LACTB2: variants seen among roughly 807,000 people sequenced by gnomAD.
LACTB2 encodes endoribonuclease LACTB2.
LACTB2 carries 32 observed loss-of-function variants against 34.8 expected under a neutral mutation model. The ratio of observed to expected loss-of-function variants is 0.92; its 90% CI spans 0.69 to 1.24. The LOEUF is 1.24. Among genes scored for constraint, LACTB2 ranks in the 50% most tolerant of loss-of-function variants. The pLI, the probability that LACTB2 is intolerant of heterozygous loss-of-function variation, is 0.00. For missense variants in LACTB2, 320 were observed against 345.0 expected (o/e 0.93, Z 0.57); for synonymous variants, 120 against 117.5 (o/e 1.02, Z -0.14).
intron 3 of LACTB2, among the ~76,000 whole-genome samples, chr8:70,648,292 T>C (rs1251724713): frequency 6.6e-6 from 1 of 152,186 alleles, no homozygotes; most frequent in Non-Finnish European, 1.5e-5. Context: ...GAAAGTTATG[T>C]TGAAGACAGC....
chr8:70,669,064 C>G lies in LACTB2; in HGVS notation c.57G>C (p.Leu19Phe). Reference protein sequence around the residue: ...ERLSNRVVRVLGCNPGPMTLQ... With the variant: ...ERLSNRVVRVFGCNPGPMTLQ... ...GGGTCATGGGACCCGGGTTACAGCC[C>G]AACACACGCACGACTCGATTGGACA... Residue 19 changes from leucine (L) to phenylalanine (F), a missense_variant, in exon 1 of 7, where the codon TTG becomes TTC. By Grantham distance (22) the Leu-to-Phe change is conservative (BLOSUM62 0). Coordinates refer to ENST00000276590, the MANE Select transcript of LACTB2 (RefSeq NM_016027.3). 1 of 1,612,790 alleles carries G rather than the reference C, an allele frequency of 6.2e-7. No individual in the cohort carries two copies. Among genetic ancestry groups the G allele is most frequent in the Non-Finnish European group, 8.5e-7 (1 of 1,179,630 alleles).
intron 2 of LACTB2, among the ~76,000 whole-genome samples, chr8:70,659,580 A>G (rs1334326653): frequency 6.6e-6 from 1 of 152,224 alleles, no homozygotes; most frequent in African/African-American, 2.4e-5. Flanking sequence ...GGGAATTGAC[A>G]TTATATAACA....
chr8:70,668,748 G>GTTTTTTTTTTTTTTTGTTTTT (rs1818573316), intron 1 of LACTB2, among the ~76,000 whole-genome samples: 2 of 103,732 alleles, frequency 1.9e-5, no homozygotes, highest in African/African-American at 4.2e-5. Flanking sequence ...CAAAACAGAA[G>GTTTTTTTTTTTTTTTGTTTTT]TTTTTTTTTT....
chr8:70,637,842 G>A lies in LACTB2; in HGVS notation c.*18C>T. ...TTCTCTGAAAGCAAAATAAAACAAA[G>A]CTTTCTTTAATCTGAAACTAAAGAT... On this transcript the variant is annotated 3_prime_UTR_variant, in exon 7 of 7. Transcript: ENST00000276590. The A allele has an allele frequency of 6.6e-7, 1 of 1,506,996 alleles. No homozygotes were observed. Among genetic ancestry groups the A allele is most frequent in the Non-Finnish European group, 9.0e-7 (1 of 1,112,638 alleles). 93.4% of individuals were successfully genotyped at this position (1,506,996 alleles called of 1,614,324 possible).
intron 3 of LACTB2, among the ~76,000 whole-genome samples, chr8:70,645,734 A>C (rs1818256329): frequency 1.4e-5 from 2 of 145,052 alleles, no homozygotes; most frequent in African/African-American, 5.2e-5. Context: ...TATGAGTGAG[A>C]ACATGTGGTG....
intron 1 of LACTB2, 69 bp downstream of exon 1, chr8:70,668,930 C>G: frequency 6.5e-7 from 1 of 1,541,952 alleles, no homozygotes; most frequent in Non-Finnish European, 8.8e-7. Context: ...CCCGCGCAGC[C>G]GCGATCAGTC....
chr8:70,661,934 C>G (rs1818485297), intron 1 of LACTB2, 37 bp from the exon 2 acceptor site: 1 of 1,538,146 alleles, frequency 6.5e-7, no homozygotes. Flanking sequence ...ACAATTGGAA[C>G]ACTGCGTTGA....
At chr8:70,655,870 T>C (rs1818406424) in intron 3 of LACTB2, among the ~76,000 whole-genome samples, 1 of 152,228 alleles carries the variant, frequency 6.6e-6, no homozygotes, top group Non-Finnish European at 1.5e-5. Context: ...TTACTGTTTT[T>C]TGATTTTTTG....
At chr8:70,657,729 T>C in intron 3 of LACTB2, 27 bp downstream of exon 3, 1 of 1,593,296 alleles carries the variant, frequency 6.3e-7, no homozygotes, top group Non-Finnish European at 8.5e-7. Flanking sequence ...ACTCTTCACC[T>C]TCCCTGGCTA....
In LACTB2 at chr8:70,657,827, T is replaced by A. The variant is rs751907326; in HGVS notation, c.342A>T (p.Ile114=). ...LPRNPQREEI[I]GNGEQQYVYL... is the part of the protein sequence containing the mutation. ...AAACATATTGTTGCTCTCCATTTCC[T>A]ATAATTTCTTCTCTCTGAGGATTCC... is the stretch of plus-strand genomic sequence containing the variant. The change falls in exon 3 of 7, where the codon ATA becomes ATT. Residue 114 remains isoleucine (I), a synonymous_variant. Transcript: ENST00000276590. 3.1e-6 allele frequency: 5 copies of A among 1,611,406 alleles called. No homozygotes were observed. Among genetic ancestry groups the A allele is most frequent in the Non-Finnish European group, 4.2e-6 (5 of 1,177,650 alleles).
At chr8:70,650,526 T>A (rs1490550348) in intron 3 of LACTB2, among the ~76,000 whole-genome samples, 1 of 152,092 alleles carries the variant, frequency 6.6e-6, no homozygotes, top group African/African-American at 2.4e-5. Flanking sequence ...GGTCAGGAGT[T>A]CGAGATCAGC....
chr8:70,657,136 T>G (rs2132077681), intron 3 of LACTB2, among the ~76,000 whole-genome samples: 1 of 152,282 alleles, frequency 6.6e-6, no homozygotes, highest in Middle Eastern at 3.4e-3. Context: ...AATTTAGGTA[T>G]GGGTCATCTT....
chr8:70,660,871 T>C (rs1818473644), intron 2 of LACTB2: 1 of 456,146 alleles, frequency 2.2e-6, no homozygotes, highest in Non-Finnish European at 4.4e-6. Context: ...TCAGCTTCCC[T>C]GGCTCAAGCC....
intron 1 of LACTB2, among the ~76,000 whole-genome samples, chr8:70,666,572 C>A (rs1223064093): frequency 6.6e-6 from 1 of 152,122 alleles, no homozygotes; most frequent in Non-Finnish European, 1.5e-5. Context: ...ATACACAAGG[C>A]CTTCCAGTTT....
intron 3 of LACTB2, 98 bp from the exon 4 acceptor site, chr8:70,644,341 CAAAT>C (rs1307685993): frequency 1.3e-6 from 1 of 781,214 alleles, no homozygotes; most frequent in Non-Finnish European, 1.9e-6. Context: ...TCTTTAGACA[CAAAT>C]AAACAGATGA....
intron 2 of LACTB2, chr8:70,661,297 G>T: frequency 3.5e-6 from 1 of 287,552 alleles, no homozygotes; most frequent in Non-Finnish European, 6.9e-6. Flanking sequence ...TAGGTTTCAG[G>T]GACAATGAAT....
Position 70,657,780 on chromosome 8 carries a change from A to C in LACTB2, c.389T>G (p.Ile130Ser). ...CCTTAGAGTGGCTCCCTCAGTCTTA[A>C]TCACATCTCCATCTTTCAGATAAAC... ...QYVYLKDGDV[I>S]KTEGATLRVL... Residue 130 changes from isoleucine to serine, a missense_variant, in exon 3 of 7, where the codon ATT (isoleucine) becomes AGT (serine). Ile to Ser is a moderately radical substitution (Grantham distance 142). Transcript: ENST00000276590. The C allele has an allele frequency of 6.2e-7, 1 of 1,612,978 alleles. No homozygotes were observed. The highest frequency in any genetic ancestry group is 8.5e-7 in the Non-Finnish European group (1 of 1,179,270).
chr8:70,650,714 C>T (rs547899109), intron 3 of LACTB2, among the ~76,000 whole-genome samples: 5 of 108,304 alleles, frequency 4.6e-5, no homozygotes, highest in East Asian at 3.0e-4. Context: ...CCAACCTGGG[C>T]GACAGAGTGA....
Position 70,638,624 on chromosome 8 carries a change from A to G in LACTB2, c.747T>C (p.Thr249=), listed in dbSNP as rs201653103. 5 of 1,430,712 alleles carry G rather than the reference A, an allele frequency of 3.5e-6. No homozygotes were observed. The East Asian group carries it at 1.3e-4, about 38-fold the overall frequency. 88.6% of individuals were successfully genotyped at this position (1,430,712 alleles called of 1,614,324 possible). The part of the protein sequence containing the change: ...MELVKIIYKN[T]PENLHEMAKH... The stretch of plus-strand genomic sequence containing the variant: ...TAGCCATTTCATGTAAATTCTCAGG[A>G]GTATTCTAAAAGAAAAATGAAGGTG... Residue 249 remains threonine, a synonymous_variant, in exon 6 of 7, where the codon ACT becomes ACC. Transcript: ENST00000276590.
Sources: allele counts gnomAD v4.1 joint callset (sites outside exome capture counted in the v4.1 genomes callset), GRCh38; gene constraint gnomAD v4.1.1; transcripts MANE v1.5; gene names NCBI Gene and HGNC (gene_info 2026-07-23, HGNC 2026-07-21).